The following DOK6 variants were observed in gnomAD, a reference collection of about 807,000 sequenced individuals.
The protein encoded by DOK6 is downstream of tyrosine kinase 6.
Under a neutral mutation model 44.0 loss-of-function variants are expected in DOK6, and 22 were observed. The observed-to-expected ratio is 0.50, with a 90% CI of 0.36 to 0.71. DOK6 has a LOEUF of 0.71. DOK6 is among the 30% of genes least tolerant of loss of function. The pLI, the probability that DOK6 is intolerant of heterozygous loss-of-function variation, is 0.00. For synonymous variants in DOK6, 166 were observed against 145.5 expected (o/e 1.14, Z -1.01); for missense variants, 340 against 416.4 (o/e 0.82, Z 1.60).
intron 5 of DOK6, among the ~76,000 whole-genome samples, chr18:69,722,881 T>C (rs1322085095): frequency 6.6e-6 from 1 of 152,148 alleles, no homozygotes; most frequent in Non-Finnish European, 1.5e-5. Context: ...AAATGAACCC[T>C]GCAATAACTC....
chr18:69,608,942 T>C (rs1466811539), intron 3 of DOK6, among the ~76,000 whole-genome samples: 1 of 81,640 alleles, frequency 1.2e-5, no homozygotes, highest in African/African-American at 4.1e-5. Context: ...AGAGCAAGAC[T>C]CTGTCTCAAA....
At chr18:69,800,486 G>A (rs939749523) in intron 7 of DOK6, among the ~76,000 whole-genome samples, 3 of 152,056 alleles carry the variant, frequency 2.0e-5, no homozygotes, top group Non-Finnish European at 4.4e-5. Context: ...CTGTATACAT[G>A]TGTAATACAA....
chr18:69,686,074 T>C (rs1434413197), intron 4 of DOK6, among the ~76,000 whole-genome samples: 1 of 152,002 alleles, frequency 6.6e-6, no homozygotes, highest in Non-Finnish European at 1.5e-5. Flanking sequence ...ACTGGTGTCC[T>C]TGTAAGAAGA....
chr18:69,408,949 A>G (rs1978295043), intron 1 of DOK6, among the ~76,000 whole-genome samples: 1 of 152,198 alleles, frequency 6.6e-6, no homozygotes, highest in Non-Finnish European at 1.5e-5. Context: ...ATTTATACAT[A>G]AAATGTATTA....
intron 5 of DOK6, among the ~76,000 whole-genome samples, chr18:69,726,221 C>T (rs1978306343): frequency 6.6e-6 from 1 of 152,148 alleles, no homozygotes; most frequent in Admixed American, 6.5e-5. Flanking sequence ...CTTCTTTGGC[C>T]TTTTTCTGTC....
intron 3 of DOK6, among the ~76,000 whole-genome samples, chr18:69,627,339 A>T (rs1275741408): frequency 6.6e-6 from 1 of 152,206 alleles, no homozygotes; most frequent in Non-Finnish European, 1.5e-5. Flanking sequence ...TTAACCCAAA[A>T]GTTGTAGCAG....
At chr18:69,839,783 C>T (rs1982161787) in intron 7 of DOK6, among the ~76,000 whole-genome samples, 1 of 152,154 alleles carries the variant, frequency 6.6e-6, no homozygotes, top group Non-Finnish European at 1.5e-5. Flanking sequence ...TCTGGAAGCT[C>T]AGAGGACTGG....
chr18:69,824,826 G>C (rs554477843), intron 7 of DOK6, among the ~76,000 whole-genome samples: 5 of 152,186 alleles, frequency 3.3e-5, no homozygotes, highest in African/African-American at 1.2e-4. Flanking sequence ...TTGCGGCTCC[G>C]CAGGACTGAA....
intron 2 of DOK6, among the ~76,000 whole-genome samples, chr18:69,587,662 G>A (rs965328704): frequency 6.6e-6 from 1 of 152,116 alleles, no homozygotes; most frequent in African/African-American, 2.4e-5. Context: ...TAATATCCGT[G>A]TGGTAAAATT....
chr18:69,728,000 G>T (rs1468608393), intron 5 of DOK6, among the ~76,000 whole-genome samples: 3 of 152,188 alleles, frequency 2.0e-5, no homozygotes, highest in East Asian at 3.8e-4. Flanking sequence ...GTCTGGTCTG[G>T]TCTGTTCCAG....
intron 3 of DOK6, among the ~76,000 whole-genome samples, chr18:69,636,005 G>C (rs1812648138): frequency 6.6e-6 from 1 of 152,188 alleles, no homozygotes; most frequent in South Asian, 2.1e-4. Context: ...AGTAGAGATA[G>C]TGCTGCTGAT....
chr18:69,693,626 C>T (rs188030437), intron 4 of DOK6, among the ~76,000 whole-genome samples: 75 of 152,176 alleles, frequency 4.9e-4, no homozygotes, highest in African/African-American at 1.7e-3. Flanking sequence ...ACTTCTCACC[C>T]GTTTGTTTTC....
At chr18:69,576,892 T>C (rs1427265951) in intron 2 of DOK6, among the ~76,000 whole-genome samples, 1 of 152,128 alleles carries the variant, frequency 6.6e-6, no homozygotes, top group Non-Finnish European at 1.5e-5. Flanking sequence ...GACATTTTAA[T>C]AAAATAAATA....
At chr18:69,414,697 A>G (rs968806423) in intron 1 of DOK6, among the ~76,000 whole-genome samples, 2 of 152,028 alleles carry the variant, frequency 1.3e-5, no homozygotes, top group African/African-American at 4.8e-5. Context: ...TTATGAAATG[A>G]GATGGTAATT....
chr18:69,638,432 T>C (rs1984860228), intron 3 of DOK6, among the ~76,000 whole-genome samples: 1 of 152,120 alleles, frequency 6.6e-6, no homozygotes, highest in Non-Finnish European at 1.5e-5. Context: ...ACACATCAGG[T>C]GATTTTTATT....
chr18:69,718,302 C>T (rs1199207697), intron 5 of DOK6, among the ~76,000 whole-genome samples: 2 of 152,140 alleles, frequency 1.3e-5, no homozygotes, highest in African/African-American at 2.4e-5. Context: ...TTTCTGTTGC[C>T]TATTAAACTC....
At chr18:69,536,464 T>A (rs1414322442) in intron 1 of DOK6, among the ~76,000 whole-genome samples, 2 of 152,206 alleles carry the variant, frequency 1.3e-5, no homozygotes, top group Non-Finnish European at 2.9e-5. Context: ...ATTAAGTATA[T>A]CTTATCTTTA....
intron 4 of DOK6, among the ~76,000 whole-genome samples, chr18:69,691,402 A>C (rs1986264370): frequency 6.7e-6 from 1 of 148,406 alleles, no homozygotes; most frequent in African/African-American, 2.5e-5. Context: ...GCCCCATGAA[A>C]GAGGAAGGGC....
intron 7 of DOK6, among the ~76,000 whole-genome samples, chr18:69,805,000 G>A (rs1367560289): frequency 6.6e-6 from 1 of 152,150 alleles, no homozygotes; most frequent in Non-Finnish European, 1.5e-5. Flanking sequence ...CAGAGAGTAA[G>A]GTGGAGTCCT....
Sources: allele counts gnomAD v4.1 joint callset (sites outside exome capture counted in the v4.1 genomes callset), GRCh38; gene constraint gnomAD v4.1.1; transcripts MANE v1.5; gene names NCBI Gene and HGNC (gene_info 2026-07-23, HGNC 2026-07-21).